The following IL10RB variants were observed in gnomAD, a reference collection of about 807,000 sequenced individuals.
The protein encoded by IL10RB is interleukin 10 receptor subunit beta.
IL10RB carries 30 observed loss-of-function variants against 38.7 expected under a neutral mutation model. The ratio of observed to expected loss-of-function variants is 0.78; its 90% CI spans 0.58 to 1.05. The LOEUF (loss-of-function observed/expected upper bound fraction) is 1.05. Ranked by LOEUF, IL10RB falls within the 50% of genes least tolerant of loss-of-function variation. The pLI, the probability that IL10RB is intolerant of heterozygous loss-of-function variation, is 0.00. For synonymous variants in IL10RB, 142 were observed against 145.9 expected, an observed-to-expected ratio of 0.97 and a Z score of 0.19; for missense variants, 328 against 397.1, an observed-to-expected ratio of 0.83 and a Z score of 1.48.
At chr21:33,303,995 G>C (rs1449615270) in intron 1 of IL10RB, among the ~76,000 whole-genome samples, 1 of 152,216 alleles carries the variant, frequency 6.6e-6, no homozygotes, top group Non-Finnish European at 1.5e-5. Flanking sequence ...CTCCCTAGGG[G>C]AATGAGAAAG....
At chr21:33,293,866 T>A (rs893993320) in intron 6 of IL10RB, 3 of 395,046 alleles carry the variant, frequency 7.6e-6, no homozygotes, top group African/African-American at 6.4e-5. Context: ...GAATCCTCTA[T>A]GAGCTTTTGA....
intron 3 of IL10RB, among the ~76,000 whole-genome samples, chr21:33,277,283 C>T (rs762226488): frequency 2.7e-5 from 4 of 149,818 alleles, no homozygotes; most frequent in African/African-American, 4.9e-5. Flanking sequence ...TGCAGTGAGC[C>T]GAGATCACGC....
intron 1 of IL10RB, 150 bp from the exon 2 acceptor site, chr21:33,268,244 C>T: frequency 6.5e-7 from 1 of 1,543,910 alleles, no homozygotes; most frequent in East Asian, 2.4e-5. Context: ...CTAGACTCCT[C>T]AGCACAGCCA....
At chr21:33,307,525 G>T (rs985833100) in intron 1 of IL10RB, among the ~76,000 whole-genome samples, 3 of 152,182 alleles carry the variant, frequency 2.0e-5, no homozygotes, top group Non-Finnish European at 4.4e-5. Flanking sequence ...CCGACAAACT[G>T]AATTTGTCTT....
At chr21:33,267,151 C>G (rs1030740136) in intron 1 of IL10RB, among the ~76,000 whole-genome samples, 1 of 152,100 alleles carries the variant, frequency 6.6e-6, no homozygotes, top group Non-Finnish European at 1.5e-5. Context: ...CCATGGTCAC[C>G]TCCTTCCTTT....
intron 6 of IL10RB, among the ~76,000 whole-genome samples, chr21:33,288,949 G>C (rs991837287): frequency 5.3e-5 from 8 of 152,198 alleles, no homozygotes; most frequent in African/African-American, 1.7e-4. Flanking sequence ...TATTCAAAAG[G>C]CTTGATGGGG....
At chr21:33,296,038 T>C in intron 6 of IL10RB, 146 bp from the exon 7 acceptor site, 2 of 450,322 alleles carry the variant, frequency 4.4e-6, no homozygotes, top group African/African-American at 4.2e-5. Context: ...AGCAAGACTC[T>C]GTCTCAAAAA....
intron 6 of IL10RB, chr21:33,294,179 G>T: frequency 2.5e-6 from 1 of 401,414 alleles, no homozygotes; most frequent in Non-Finnish European, 5.0e-6. Flanking sequence ...AGAAGGGCCA[G>T]GCAACTACGG....
At chr21:33,291,792 C>T (rs1031307825) in intron 6 of IL10RB, among the ~76,000 whole-genome samples, 20 of 152,160 alleles carry the variant, frequency 1.3e-4, no homozygotes, top group African/African-American at 7.2e-5. Context: ...TCAGTCTCCT[C>T]GGGGAATGCC....
intron 2 of IL10RB, among the ~76,000 whole-genome samples, chr21:33,271,717 G>A (rs1278632785): frequency 2.0e-5 from 3 of 148,618 alleles, no homozygotes; most frequent in Non-Finnish European, 3.0e-5. Context: ...GACAGAGTGA[G>A]ACTCCATCTC....
intron 1 of IL10RB, among the ~76,000 whole-genome samples, chr21:33,266,852 A>C (rs1323169646): frequency 6.6e-6 from 1 of 152,064 alleles, no homozygotes; most frequent in Non-Finnish European, 1.5e-5. Context: ...CCAAGATCCC[A>C]CCGTGGCTGT....
intron 6 of IL10RB, among the ~76,000 whole-genome samples, chr21:33,290,215 C>T (rs900808261): frequency 3.3e-5 from 5 of 151,790 alleles, no homozygotes; most frequent in African/African-American, 1.2e-4. Flanking sequence ...CGCTTGAACT[C>T]GGGAGGTGGA....
chr21:33,288,381 GCACACACA>G (rs59480844), intron 6 of IL10RB, 120 bp downstream of exon 6: 2 of 548,422 alleles, frequency 3.6e-6, no homozygotes, highest in Non-Finnish European at 6.5e-6. Context: ...ACGCGCGCGC[GCACACACA>G]CACACACACA....
intron 2 of IL10RB, among the ~76,000 whole-genome samples, chr21:33,269,581 CT>C (rs1178280811): frequency 6.6e-6 from 1 of 151,580 alleles, no homozygotes; most frequent in Non-Finnish European, 1.5e-5. Context: ...TAATTCCAGA[CT>C]AACAGAACAT....
At chr21:33,290,982 G>A (rs1989475620) in intron 6 of IL10RB, among the ~76,000 whole-genome samples, 1 of 152,188 alleles carries the variant, frequency 6.6e-6, no homozygotes, top group Admixed American at 6.5e-5. Flanking sequence ...AGGCTGTGAG[G>A]GAGGATCTGT....
At chr21:33,292,539 T>A (rs1433000304) in intron 6 of IL10RB, among the ~76,000 whole-genome samples, 2 of 152,148 alleles carry the variant, frequency 1.3e-5, no homozygotes, top group Non-Finnish European at 2.9e-5. Flanking sequence ...TCTCAGGACC[T>A]ACTGGGTCTC....
At chr21:33,282,487 A>G (rs1201634300) in intron 4 of IL10RB, among the ~76,000 whole-genome samples, 1 of 152,184 alleles carries the variant, frequency 6.6e-6, no homozygotes, top group African/African-American at 2.4e-5. Context: ...GTGAGCCATG[A>G]TCGTGCCACT....
Position 33,266,521 on chromosome 21 carries a change from G to C in IL10RB, c.49+7G>C. The C allele has an allele frequency of 6.5e-7, 1 of 1,542,040 alleles. No homozygotes were observed. On this transcript the variant is annotated splice_region_variant and intron_variant, in intron 1 of 6. Coordinates refer to ENST00000290200, the MANE Select transcript of IL10RB (RefSeq NM_000628.5). Reference sequence around the variant, plus strand: ...GGCTGCCTGCTGGTGTCAGGTGAGGGGTCCGCGGGGAGGGGGCGCGCTTGG... The same window carrying C: ...GGCTGCCTGCTGGTGTCAGGTGAGGCGTCCGCGGGGAGGGGGCGCGCTTGG...
chr21:33,281,078 G>A (rs1176803929), intron 4 of IL10RB, among the ~76,000 whole-genome samples: 1 of 152,212 alleles, frequency 6.6e-6, no homozygotes, highest in Non-Finnish European at 1.5e-5. Context: ...CCTAGATGGT[G>A]GAAGGCAAAG....
Sources: gnomAD v4.1 joint callset for allele counts (sites outside exome capture counted in the v4.1 genomes callset) on GRCh38, gnomAD v4.1.1 for gene constraint, MANE v1.5 for transcripts, NCBI Gene and HGNC (gene_info 2026-07-23, HGNC 2026-07-21) for gene names.